Variants in G3BP1 observed in about 807,000 individuals in gnomAD.
G3BP1 encodes the protein ras GTPase-activating protein-binding protein 1.
Under a neutral mutation model 58.6 loss-of-function variants are expected in G3BP1, and 35 were observed. The ratio of observed to expected loss-of-function variants is 0.60; its 90% CI spans 0.46 to 0.79. The LOEUF (loss-of-function observed/expected upper bound fraction) is 0.79. Ranked by LOEUF, G3BP1 falls within the 30% of genes least tolerant of loss-of-function variation. The probability of loss-of-function intolerance (pLI) is 0.00; values close to 1 mark genes in which losing one functional copy is unlikely to be tolerated. For missense variants in G3BP1, 523 were observed against 580.8 expected, an observed-to-expected ratio of 0.90 and a Z score of 1.02; for synonymous variants, 191 against 195.4, an observed-to-expected ratio of 0.98 and a Z score of 0.19.
chr5:151,798,236 C>G (rs2964568), intron 7 of G3BP1, among the ~76,000 whole-genome samples: 71,609 of 151,954 alleles, frequency 0.47, 17,718 homozygotes, highest in African/African-American at 0.63. Context: ...TGTGGTCCCA[C>G]CTGCTTGGGA....
intron 2 of G3BP1, chr5:151,787,363 C>G (rs116076231): frequency 1.3e-5 from 2 of 152,038 alleles, no homozygotes; most frequent in Non-Finnish European, 2.9e-5. Flanking sequence ...TGTGTTGATG[C>G]GCTTTAAAAA....
rs528299575 is a variant in G3BP1, at chr5:151,797,267, C to G, written c.580C>G (p.Pro194Ala). 6.2e-7 allele frequency: 1 copy of G among 1,612,878 alleles called. No individual in the cohort carries two copies. The highest frequency in any genetic ancestry group is 1.3e-5 in the African/African-American group (1 of 74,988). The change falls in exon 7 of 12, where the codon CCA becomes GCA. Residue 194 changes from proline (P) to alanine (A), a missense_variant. By Grantham distance (27) the Pro-to-Ala change is conservative. Transcript: ENST00000356245. ...EEHLEEPVAEPEPDPEPEPEQ... is the reference protein window; with the variant it reads ...EEHLEEPVAEAEPDPEPEPEQ... ...ACATTTAGAGGAGCCTGTTGCTGAA[C>G]CAGAGCCTGATCCTGAACCAGAACC...
chr5:151,772,163 ACCCCAACGGCCGCAGGCGCGCGCGG>A (rs1762275530), intron 1 of G3BP1, 127 bp downstream of exon 1: 1 of 104,818 alleles, frequency 9.5e-6, no homozygotes, highest in Non-Finnish European at 2.0e-5. Flanking sequence ...CCCAACCCCC[ACCCCAACGGCCGCAGGCGCGCGCGG>A]CGGACGGACG....
At chr5:151,786,769 TATCTTTGAGA>T in intron 2 of G3BP1, 54 bp downstream of exon 2, 1 of 1,020,086 alleles carries the variant, frequency 9.8e-7, no homozygotes, top group Non-Finnish European at 1.6e-6. Flanking sequence ...ATGTGGTACT[TATCTTTGAGA>T]TTCTCCCACT....
chr5:151,790,505 T>C, intron 3 of G3BP1, 101 bp downstream of exon 3: 2 of 567,432 alleles, frequency 3.5e-6, no homozygotes, highest in Non-Finnish European at 6.1e-6. Flanking sequence ...AAGATCCAGT[T>C]TCTCAACTTT....
chr5:151,784,127 G>A (rs776721696), intron 1 of G3BP1, among the ~76,000 whole-genome samples: 1 of 152,068 alleles, frequency 6.6e-6, no homozygotes, highest in Non-Finnish European at 1.5e-5. Context: ...ATGGGGTCTT[G>A]CTCTGGCACC....
At chr5:151,796,739 T>G (rs76062606) in intron 6 of G3BP1, among the ~76,000 whole-genome samples, 1 of 152,326 alleles carries the variant, frequency 6.6e-6, no homozygotes, top group Middle Eastern at 3.4e-3. Flanking sequence ...ATCTTAACCA[T>G]TTTTAAGTGT....
rs1236903488 is a variant in G3BP1 at position 151,812,188 on chromosome 5, A to C, written c.*8097A>C. On this transcript the variant is annotated 3_prime_UTR_variant, in exon 12 of 12. Transcript: ENST00000356245. ...GTAACTTGTGATTGTCTTACCTGTAACAGACTCCACAGTCATGCTGGCATT... is the reference window on the plus strand; with the variant it reads ...GTAACTTGTGATTGTCTTACCTGTACCAGACTCCACAGTCATGCTGGCATT... The C allele has an allele frequency of 2.0e-5, 3 of 152,210 alleles. No individual in the cohort carries two copies. Among genetic ancestry groups the C allele is most frequent in the African/African-American group, 4.8e-5 (2 of 41,454 alleles). 9.4% of individuals were successfully genotyped at this position (152,210 alleles called of 1,614,324 possible). A position where few individuals can be genotyped will look rare whatever the true frequency, so the allele number is the denominator to read the frequency against.
In G3BP1 at chr5:151,795,415, G is replaced by A. The variant is rs888867143; in HGVS notation, c.443-64G>A. On this transcript the variant is annotated intron_variant, in intron 5 of 11. Coordinates refer to ENST00000356245, the MANE Select transcript of G3BP1 (RefSeq NM_005754.3). ...TTCACTGTTGTTTTGTGAACATTGC[G>A]AAAGTTAATGTATATGTGAATTCAG... 2.7e-5 allele frequency: 22 copies of A among 816,352 alleles called. 1 individual carries two copies. Among genetic ancestry groups the A allele is most frequent in the South Asian group, 6.3e-5 (4 of 63,296 alleles). 50.6% of individuals were successfully genotyped at this position (816,352 alleles called of 1,614,324 possible).
At position 151,804,142 on chromosome 5, in the gene G3BP1, G is replaced by A. The variant is rs1354550838; in HGVS notation, c.*51G>A. On this transcript the variant is annotated 3_prime_UTR_variant, in exon 12 of 12. Transcript: ENST00000356245. ...TACAAACCCTGGTTCCAACAGAATG[G>A]TGAATTTTCGACAGCCTTTGGTATC... is the stretch of plus-strand genomic sequence containing the variant. 1 of 1,326,480 alleles carries A rather than the reference G, an allele frequency of 7.5e-7. No individual in the cohort carries two copies. The highest frequency in any genetic ancestry group is 1.5e-5 in the African/African-American group (1 of 68,270). 82.2% of individuals were successfully genotyped at this position (1,326,480 alleles called of 1,614,324 possible). A position where few individuals can be genotyped will look rare whatever the true frequency, so the allele number is the denominator to read the frequency against.
intron 2 of G3BP1, 29 bp from the exon 3 acceptor site, chr5:151,790,294 G>T: frequency 3.5e-6 from 4 of 1,137,316 alleles, no homozygotes; most frequent in Non-Finnish European, 5.1e-6. Context: ...ACTTGAAGAT[G>T]ACAAGTAAAT....
chr5:151,794,211 A>T lies in G3BP1; in HGVS notation c.404A>T (p.Asp135Val). The change falls in exon 5 of 12, where the codon GAT (aspartate) becomes GTT (valine). Residue 135 changes from aspartate (D) to valine (V), a missense_variant. Coordinates refer to ENST00000356245, the MANE Select transcript of G3BP1 (RefSeq NM_005754.3). ...YVHNDIFRYQDEVFGGFVTEP... is the reference protein window; with the variant it reads ...YVHNDIFRYQVEVFGGFVTEP... ...CACAATGATATCTTCAGATACCAAG[A>T]TGAGGTCTTTGGTGGGTTTGTCACT... 6.2e-7 allele frequency: 1 copy of T among 1,610,726 alleles called. No individual in the cohort carries two copies. Among genetic ancestry groups the T allele is most frequent in the Non-Finnish European group, 8.5e-7 (1 of 1,176,996 alleles).
chr5:151,788,293 AAG>A (rs1561533395), intron 2 of G3BP1, among the ~76,000 whole-genome samples: 1 of 152,178 alleles, frequency 6.6e-6, no homozygotes, highest in Non-Finnish European at 1.5e-5. Context: ...AGGGCATTGT[AAG>A]AGAGTTAACT....
At chr5:151,790,796 T>A (rs1762638026) in intron 3 of G3BP1, 93 bp from the exon 4 acceptor site, 3 of 706,074 alleles carry the variant, frequency 4.2e-6, no homozygotes, top group Non-Finnish European at 7.1e-6. Flanking sequence ...CACATTCTCT[T>A]TGTGTTGTGT....
At chr5:151,785,133 G>A (rs1484709835) in intron 1 of G3BP1, among the ~76,000 whole-genome samples, 5 of 152,294 alleles carry the variant, frequency 3.3e-5, no homozygotes, top group African/African-American at 7.2e-5. Flanking sequence ...GATTACAGGC[G>A]TGAGCCACCG....
intron 2 of G3BP1, among the ~76,000 whole-genome samples, chr5:151,788,630 T>G (rs1762595326): frequency 6.6e-6 from 1 of 150,558 alleles, no homozygotes; most frequent in South Asian, 2.1e-4. Context: ...TATTTATTTA[T>G]TTTTAGTAGG....
chr5:151,794,179 C>G lies in G3BP1; in HGVS notation c.372C>G (p.Phe124Leu). The change falls in exon 5 of 12, where the codon TTC (phenylalanine) becomes TTG (leucine). Residue 124 changes from phenylalanine (F) to leucine (L), a missense_variant. This residue lies in a region of G3BP1 where 398 missense variants were observed against 399.1 expected (regional missense o/e 1.00). Coordinates refer to ENST00000356245, the MANE Select transcript of G3BP1 (RefSeq NM_005754.3). ...TGCAGGGGTCTGTTGCAAATAAATT[C>G]TATGTTCACAATGATATCTTCAGAT... Reference protein sequence around the residue: ...LAPEGSVANKFYVHNDIFRYQ... With the variant: ...LAPEGSVANKLYVHNDIFRYQ... 1 of 1,608,628 alleles carries G rather than the reference C, an allele frequency of 6.2e-7. No individual in the cohort carries two copies. Among genetic ancestry groups the G allele is most frequent in the Non-Finnish European group, 8.5e-7 (1 of 1,175,228 alleles).
chr5:151,795,781 C>T (rs1354686853), intron 6 of G3BP1, among the ~76,000 whole-genome samples: 1 of 152,096 alleles, frequency 6.6e-6, no homozygotes, highest in African/African-American at 2.4e-5. Flanking sequence ...AGGCAATCTA[C>T]TATTGCTTAG....
chr5:151,796,891 C>A, intron 6 of G3BP1, among the ~76,000 whole-genome samples: 1 of 149,722 alleles, frequency 6.7e-6, no homozygotes, highest in South Asian at 2.2e-4. Context: ...TTTCCCGCCC[C>A]CCCCGCCCCA....
Sources: allele counts gnomAD v4.1 joint callset (sites outside exome capture counted in the v4.1 genomes callset), GRCh38; gene constraint gnomAD v4.1.1; regional missense constraint gnomAD v4.1.1; transcripts MANE v1.5; gene names NCBI Gene and HGNC (gene_info 2026-07-23, HGNC 2026-07-21).